PGM2L1: variants seen among roughly 807,000 people sequenced by gnomAD.
PGM2L1 encodes the protein phosphoglucomutase 2 like 1.
A neutral mutation model predicts 73.4 loss-of-function variants in PGM2L1; 35 were observed. That is an observed-to-expected ratio of 0.48 (90% CI 0.36 to 0.63). The LOEUF (loss-of-function observed/expected upper bound fraction) is 0.63. PGM2L1 is among the 30% of genes least tolerant of loss of function. The probability of loss-of-function intolerance (pLI) is 0.00; values close to 1 mark genes in which losing one functional copy is unlikely to be tolerated. For synonymous variants in PGM2L1, 225 were observed against 253.8 expected (o/e 0.89, Z 1.08); for missense variants, 570 against 742.0 (o/e 0.77, Z 2.69).
At chr11:74,368,427 CA>C in intron 5 of PGM2L1, 64 bp downstream of exon 5, 1 of 1,380,024 alleles carries the variant, frequency 7.2e-7, no homozygotes, top group Non-Finnish European at 1.0e-6. Context: ...ACATACTCAA[CA>C]CATATTATTT....
rs116566474 is a variant in PGM2L1 at position 74,370,673 on chromosome 11, T to G, written c.471+229A>C. Among the ~76,000 whole-genome samples, 272 of 152,360 alleles carry G rather than the reference T, an allele frequency of 1.8e-3. 1 individual carries two copies. The highest frequency in any genetic ancestry group is 6.5e-3 in the African/African-American group (269 of 41,596). ...ATTTCTGAAAGAAGATGTTAACATA[T>G]TTCACTATAACTGTAGACTTGTCAA... On this transcript the variant is annotated intron_variant, in intron 4 of 13. Coordinates refer to ENST00000298198, the MANE Select transcript of PGM2L1 (RefSeq NM_173582.6).
At chr11:74,396,216 G>A (rs954475091) in intron 1 of PGM2L1, among the ~76,000 whole-genome samples, 4 of 150,488 alleles carry the variant, frequency 2.7e-5, no homozygotes, top group South Asian at 2.1e-4. Flanking sequence ...TGCAGTGAGC[G>A]GAGATCGCGC....
intron 1 of PGM2L1, among the ~76,000 whole-genome samples, chr11:74,395,901 T>C (rs894727216): frequency 1.1e-4 from 17 of 152,038 alleles, no homozygotes; most frequent in Admixed American, 1.0e-3. Context: ...ATCCCAACAA[T>C]GTATAGGCAT....
intron 1 of PGM2L1, among the ~76,000 whole-genome samples, chr11:74,384,499 G>T (rs1862993697): frequency 6.6e-6 from 1 of 151,634 alleles, no homozygotes; most frequent in Admixed American, 6.6e-5. Flanking sequence ...GTTTCTGCAG[G>T]TTCTTGTTTA....
chr11:74,338,476 A>G lies in PGM2L1; in HGVS notation c.1758T>C (p.Pro586=). The G allele has an allele frequency of 6.4e-7, 1 of 1,553,366 alleles. No individual in the cohort carries two copies. The highest frequency in any genetic ancestry group is 8.8e-7 in the Non-Finnish European group (1 of 1,138,546). The part of the protein sequence containing the change: ...IKYYAEMCAS[P]DQSDTALLEE... ...AAAAAATCAATTCTTACCTCTGGTCAGGTGACGCACACATCTCTGCATAAT... is the reference window on the plus strand; with the variant it reads ...AAAAAATCAATTCTTACCTCTGGTCGGGTGACGCACACATCTCTGCATAAT... The change falls in exon 13 of 14, where the codon CCT becomes CCC. Residue 586 remains proline, a synonymous_variant. Coordinates refer to ENST00000298198, the MANE Select transcript of PGM2L1 (RefSeq NM_173582.6).
chr11:74,338,962 A>C (rs1336578146), intron 12 of PGM2L1, among the ~76,000 whole-genome samples: 1 of 152,244 alleles, frequency 6.6e-6, no homozygotes, highest in African/African-American at 2.4e-5. Flanking sequence ...TATAAAATAC[A>C]AATGAAGATT....
Position 74,342,604 on chromosome 11 carries a change from G to A in PGM2L1, c.1489C>T (p.Pro497Ser). 1.3e-6 allele frequency: 2 copies of A among 1,599,350 alleles called. No individual in the cohort carries two copies. The highest frequency in any genetic ancestry group is 1.7e-5 in the Admixed American group (1 of 57,414). The change falls in exon 12 of 14, where the codon CCA (proline) becomes TCA (serine). Residue 497 changes from proline to serine, a missense_variant. Physicochemically the swap from Pro to Ser is moderately conservative, Grantham distance 74 (BLOSUM62 -1). Coordinates refer to ENST00000298198, the MANE Select transcript of PGM2L1 (RefSeq NM_173582.6). ...TCAAATATACTTTTGATGGTAGGTG[G>A]TTCATAACACAAGAAATAGGAAGTT... ...SKTSYFLCYE[P>S]PTIKSIFERL... is the part of the protein sequence containing the mutation.
chr11:74,380,027 T>C (rs575394878), intron 1 of PGM2L1, among the ~76,000 whole-genome samples: 53 of 152,330 alleles, frequency 3.5e-4, no homozygotes, highest in African/African-American at 1.3e-3. Flanking sequence ...TGCAAAATTG[T>C]ACATAACATT....
chr11:74,332,190 G>C lies in PGM2L1; in HGVS notation c.*4462C>G, dbSNP rs529523791. 6.6e-6 allele frequency: 1 copy of C among 152,234 alleles called. No individual in the cohort carries two copies. Among genetic ancestry groups the C allele is most frequent in the African/African-American group, 2.4e-5 (1 of 41,510 alleles). 9.4% of individuals were successfully genotyped at this position (152,234 alleles called of 1,614,324 possible). ...AAGATTTCCTTAGATCTTGTGCTTT[G>C]GCTCCCCAAGTACAAGGAAACCTGA... On this transcript the variant is annotated 3_prime_UTR_variant, in exon 14 of 14. Transcript: ENST00000298198.
intron 5 of PGM2L1, among the ~76,000 whole-genome samples, chr11:74,363,529 T>G (rs1862600650): frequency 2.6e-5 from 4 of 151,984 alleles, no homozygotes; most frequent in Admixed American, 2.6e-4. Context: ...TAAAAAATGA[T>G]AAAGGGGATA....
chr11:74,347,457 G>T (rs1862284216), intron 6 of PGM2L1, 120 bp from the exon 7 acceptor site: 3 of 783,702 alleles, frequency 3.8e-6, no homozygotes, highest in East Asian at 3.0e-5. Flanking sequence ...TTCAGCAGAG[G>T]TCTAAGATAT....
chr11:74,338,380 G>A, intron 13 of PGM2L1, 88 bp downstream of exon 13: 2 of 1,231,802 alleles, frequency 1.6e-6, no homozygotes, highest in Non-Finnish European at 2.2e-6. Flanking sequence ...CCACTGAATT[G>A]TACATTTTAA....
chr11:74,398,348 G>A lies in PGM2L1; in HGVS notation c.-187C>T. The A allele has an allele frequency of 1.1e-6, 1 of 882,160 alleles. No homozygotes were observed. 54.6% of individuals were successfully genotyped at this position (882,160 alleles called of 1,614,324 possible). The stretch of plus-strand genomic sequence containing the variant: ...GGAACCGGGAGAGAGGGGGTTTATG[G>A]CCGCCTGCTCCCCAGCGGACCAGGT... On this transcript the variant is annotated 5_prime_UTR_variant, in exon 1 of 14. Transcript: ENST00000298198.
chr11:74,358,702 A>AAGTTCAAG (rs1862501832), intron 5 of PGM2L1, among the ~76,000 whole-genome samples: 1 of 152,242 alleles, frequency 6.6e-6, no homozygotes, highest in Non-Finnish European at 1.5e-5. Context: ...CAGCCTGGCC[A>AAGTTCAAG]ACATGGCGAA....
intron 1 of PGM2L1, among the ~76,000 whole-genome samples, chr11:74,380,012 A>G (rs887110539): frequency 1.3e-5 from 2 of 152,178 alleles, no homozygotes; most frequent in African/African-American, 4.8e-5. Context: ...AAATACTTCT[A>G]AAGTTGCAAA....
At chr11:74,397,105 CATA>C (rs1863188480) in intron 1 of PGM2L1, among the ~76,000 whole-genome samples, 1 of 152,188 alleles carries the variant, frequency 6.6e-6, no homozygotes, top group African/African-American at 2.4e-5. Context: ...ATTTGTACAA[CATA>C]ATGTCACATA....
rs1862035751 is a variant in PGM2L1 at position 74,332,893 on chromosome 11, A to G, written c.*3759T>C. ...CCTCAAATAACCTAAGCCACTATAC[A>G]TTCTTCAAGATGAACAAAATTTTGT... On this transcript the variant is annotated 3_prime_UTR_variant, in exon 14 of 14. Transcript: ENST00000298198. The G allele has an allele frequency of 6.6e-6, 1 of 152,626 alleles. No individual in the cohort carries two copies. Among genetic ancestry groups the G allele is most frequent in the Non-Finnish European group, 1.5e-5 (1 of 68,032 alleles). The allele number at this position is 152,626 out of a possible 1,614,324, so 9.5% of individuals were successfully genotyped here. A position where few individuals can be genotyped will look rare whatever the true frequency, so the allele number is the denominator to read the frequency against.
intron 10 of PGM2L1, 66 bp downstream of exon 10, chr11:74,343,257 C>T (rs1160870192): frequency 1.3e-6 from 2 of 1,497,054 alleles, no homozygotes; most frequent in Non-Finnish European, 1.8e-6. Context: ...CAAAAAACTC[C>T]TCCTACAGAA....
At chr11:74,392,118 G>T (rs1241276363) in intron 1 of PGM2L1, among the ~76,000 whole-genome samples, 1 of 152,090 alleles carries the variant, frequency 6.6e-6, no homozygotes. Context: ...AGTGCTTCTA[G>T]TATATTACTT....
Sources: allele counts gnomAD v4.1 joint callset (sites outside exome capture counted in the v4.1 genomes callset), GRCh38; gene constraint gnomAD v4.1.1; transcripts MANE v1.5; gene names NCBI Gene and HGNC (gene_info 2026-07-23, HGNC 2026-07-21).